Variants in ADAMTS19 observed in about 807,000 individuals in gnomAD.
ADAMTS19 encodes the protein A disintegrin and metalloproteinase with thrombospondin motifs 19.
In ADAMTS19, 93 loss-of-function variants were observed where a neutral mutation model predicts 153.3. The ratio of observed to expected loss-of-function variants is 0.61; its 90% CI spans 0.51 to 0.72. ADAMTS19 has a LOEUF of 0.72. Ranked by LOEUF, ADAMTS19 falls within the 30% of genes least tolerant of loss-of-function variation. The pLI, the probability that ADAMTS19 is intolerant of heterozygous loss-of-function variation, is 0.00. For synonymous variants in ADAMTS19, 600 were observed against 556.6 expected (o/e 1.08, Z -1.10); for missense variants, 1,482 against 1,552.1 (o/e 0.95, Z 0.76).
chr5:129,637,019 T>C (rs895778254), intron 10 of ADAMTS19, among the ~76,000 whole-genome samples: 1 of 152,054 alleles, frequency 6.6e-6, no homozygotes, highest in East Asian at 1.9e-4. Context: ...GGAGTGTAGA[T>C]TGACAGATTT....
chr5:129,517,682 G>C (rs1751658707), intron 3 of ADAMTS19, among the ~76,000 whole-genome samples: 1 of 151,792 alleles, frequency 6.6e-6, no homozygotes, highest in Admixed American at 6.6e-5. Context: ...CTCTTTATAG[G>C]TGAAGTGTGT....
At chr5:129,509,281 C>CTT in intron 3 of ADAMTS19, 39 bp downstream of exon 3, 1 of 1,565,046 alleles carries the variant, frequency 6.4e-7, no homozygotes, top group Non-Finnish European at 8.7e-7. Context: ...AGTAAATATT[C>CTT]AATGTGAGAT....
At chr5:129,574,853 A>G (rs896913896) in intron 7 of ADAMTS19, among the ~76,000 whole-genome samples, 8 of 111,450 alleles carry the variant, frequency 7.2e-5, no homozygotes, top group Admixed American at 2.0e-4. Context: ...GTATCAAAGC[A>G]TTCTTGAAAA....
rs565143991 is a variant in ADAMTS19 at position 129,627,889 on chromosome 5, C to A, written c.1770+5541C>A. 2.6e-5 allele frequency among the ~76,000 whole-genome samples: 4 copies of A among 150,970 alleles called. No homozygotes were observed. In the South Asian group the frequency reaches 8.5e-4, roughly 32 times the overall value. On this transcript the variant is annotated intron_variant, in intron 10 of 22. Coordinates refer to ENST00000274487, the MANE Select transcript of ADAMTS19 (RefSeq NM_133638.6). ...ATTGTGGAAAGCAGTGTGGCAATTC[C>A]TCAAAGAGCTAAAAAAAAAACTACC...
At chr5:129,713,964 AT>A (rs143649127) in intron 21 of ADAMTS19, among the ~76,000 whole-genome samples, 2,177 of 152,200 alleles carry the variant, frequency 0.014, 55 homozygotes, top group African/African-American at 0.049. Context: ...CATTTGTAAA[AT>A]GTACCAAAGT....
In ADAMTS19 at chr5:129,461,724, G is replaced by T. The variant is rs1392585469; in HGVS notation, c.714G>T (p.Ser238=). 6.6e-7 allele frequency: 1 copy of T among 1,508,166 alleles called. No individual in the cohort carries two copies. The highest frequency in any genetic ancestry group is 8.8e-7 in the Non-Finnish European group (1 of 1,133,200). The allele number at this position is 1,508,166 out of a possible 1,614,324, so 93.4% of individuals were successfully genotyped here. ...YTGAVLRHPG[S]LASFSTCGGG... ...GAGCTGTGCTGCGGCACCCTGGCTC[G>T]CTGGCTTCTTTCAGCACCTGTGGAG... The change falls in exon 2 of 23, where the codon TCG becomes TCT. Residue 238 remains serine (S), a synonymous_variant. Transcript: ENST00000274487. The surrounding 1 kb of genome is among the most constrained non-coding windows in gnomAD (Gnocchi z 4.6).
intron 10 of ADAMTS19, among the ~76,000 whole-genome samples, chr5:129,637,305 T>C (rs545878727): frequency 3.3e-5 from 5 of 152,304 alleles, no homozygotes; most frequent in African/African-American, 1.2e-4. Flanking sequence ...CCGAAGTATA[T>C]TAATTAAATT....
At chr5:129,629,791 T>C (rs1752208711) in intron 10 of ADAMTS19, among the ~76,000 whole-genome samples, 1 of 152,094 alleles carries the variant, frequency 6.6e-6, no homozygotes, top group Non-Finnish European at 1.5e-5. Flanking sequence ...ATCTGGCATC[T>C]TGTGGCTGAG....
At position 129,505,063 on chromosome 5, in the gene ADAMTS19, A is replaced by G. The variant is rs1410580162; in HGVS notation, c.748-4014A>G. Among the ~76,000 whole-genome samples the G allele has an allele frequency of 3.3e-5, 5 of 152,138 alleles. No homozygotes were observed. The East Asian group carries it at 5.8e-4, about 18-fold the overall frequency. On this transcript the variant is annotated intron_variant, in intron 2 of 22. Transcript: ENST00000274487. Reference sequence around the variant, plus strand: ...TACCCAGAAGTGGAATTGCTGGATCATGTTTTTTAAAAATAGGATTTTATC... The same window carrying G: ...TACCCAGAAGTGGAATTGCTGGATCGTGTTTTTTAAAAATAGGATTTTATC...
chr5:129,666,718 A>G (rs1295392975), intron 16 of ADAMTS19, among the ~76,000 whole-genome samples: 2 of 152,226 alleles, frequency 1.3e-5, no homozygotes, highest in Non-Finnish European at 2.9e-5. Flanking sequence ...TTACTATGGT[A>G]CAAATAGATC....
intron 10 of ADAMTS19, among the ~76,000 whole-genome samples, chr5:129,623,835 T>C (rs1581158424): frequency 6.7e-6 from 1 of 150,022 alleles, no homozygotes; most frequent in East Asian, 2.0e-4. Context: ...TAAAAGGCTG[T>C]ATGGACCAGG....
chr5:129,652,735 TTTTCTAGGAGACTAACTCCTTTCA>T (rs1753372116), intron 13 of ADAMTS19, among the ~76,000 whole-genome samples: 1 of 152,188 alleles, frequency 6.6e-6, no homozygotes, highest in Non-Finnish European at 1.5e-5. Flanking sequence ...ATGAATGGAA[TTTTCTAGGAGACTAACTCCTTTCA>T]ATATTATTTA....
chr5:129,586,340 G>C (rs530081351), intron 7 of ADAMTS19, among the ~76,000 whole-genome samples: 70 of 152,070 alleles, frequency 4.6e-4, no homozygotes, highest in African/African-American at 1.7e-3. Context: ...TCCTTCTTCC[G>C]CTCTTAATCC....
chr5:129,610,816 G>A (rs1751174021), intron 8 of ADAMTS19, among the ~76,000 whole-genome samples: 2 of 152,102 alleles, frequency 1.3e-5, no homozygotes, highest in Admixed American at 1.3e-4. Flanking sequence ...GTAATGGAAT[G>A]GCTGGGTCAA....
chr5:129,698,354 C>G (rs577496594), intron 19 of ADAMTS19, among the ~76,000 whole-genome samples: 2 of 152,280 alleles, frequency 1.3e-5, no homozygotes, highest in South Asian at 4.1e-4. Context: ...CCTGTCTTTC[C>G]CCTTTCTCCA....
intron 13 of ADAMTS19, among the ~76,000 whole-genome samples, chr5:129,652,987 C>T (rs1399791397): frequency 1.3e-5 from 2 of 152,072 alleles, no homozygotes; most frequent in African/African-American, 4.8e-5. Flanking sequence ...AATTTCAAAA[C>T]CATGCACATT....
At position 129,548,618 on chromosome 5, in the gene ADAMTS19, C is replaced by T. The variant is rs969352331; in HGVS notation, c.1329-3246C>T. 1.3e-3 allele frequency among the ~76,000 whole-genome samples: 196 copies of T among 151,628 alleles called. No individual in the cohort carries two copies. The Middle Eastern group carries it at 0.014, about 11-fold the overall frequency. On this transcript the variant is annotated intron_variant, in intron 6 of 22. Transcript: ENST00000274487. ...TCAAACATTGTGGAAGTCAGTGTGG[C>T]GATTCCTCAGGGATCTAGAACTAGA...
At chr5:129,548,121 A>T (rs960729179) in intron 6 of ADAMTS19, among the ~76,000 whole-genome samples, 2 of 150,736 alleles carry the variant, frequency 1.3e-5, no homozygotes, top group East Asian at 1.9e-4. Context: ...ATGGGCAAAG[A>T]CTTCATGTCT....
intron 18 of ADAMTS19, chr5:129,688,357 G>A (rs943895303): frequency 6.6e-6 from 1 of 152,098 alleles, no homozygotes; most frequent in Non-Finnish European, 1.5e-5. Flanking sequence ...TAAAATGTGT[G>A]TATAAGATGT....
Sources: gnomAD v4.1 joint callset for allele counts (sites outside exome capture counted in the v4.1 genomes callset) on GRCh38, gnomAD v4.1.1 for gene constraint, Gnocchi (gnomAD v3.1) non-coding constraint, MANE v1.5 for transcripts, NCBI Gene and HGNC (gene_info 2026-07-23, HGNC 2026-07-21) for gene names.